Variants in RUFY3 observed in about 807,000 individuals in gnomAD.
RUFY3 encodes the protein RUN and FYVE domain containing 3, also known as protein RUFY3.
In RUFY3, 34 loss-of-function variants were observed where a neutral mutation model predicts 84.0. That is an observed-to-expected ratio of 0.40 (90% CI 0.31 to 0.54). The LOEUF is 0.54. Ranked by LOEUF, RUFY3 falls within the 20% of genes least tolerant of loss-of-function variation. The pLI, the probability that RUFY3 is intolerant of heterozygous loss-of-function variation, is 0.39. For synonymous variants in RUFY3, 242 were observed against 252.9 expected, an observed-to-expected ratio of 0.96 and a Z score of 0.41; for missense variants, 507 against 736.8, an observed-to-expected ratio of 0.69 and a Z score of 3.61.
At chr4:70,764,450 T>C (rs755053898) in intron 3 of RUFY3, 25 bp from the exon 4 acceptor site, 3 of 1,484,700 alleles carry the variant, frequency 2.0e-6, no homozygotes, top group East Asian at 2.3e-5. Flanking sequence ...ATGTTTTCAG[T>C]TGTTTGATTT....
intron 1 of RUFY3, among the ~76,000 whole-genome samples, chr4:70,753,221 A>G (rs959856797): frequency 6.6e-6 from 1 of 152,158 alleles, no homozygotes; most frequent in African/African-American, 2.4e-5. Flanking sequence ...TTGTTTCTGT[A>G]ATGTCAATAC....
At chr4:70,732,920 A>T (rs1719528605) in intron 1 of RUFY3, among the ~76,000 whole-genome samples, 2 of 152,066 alleles carry the variant, frequency 1.3e-5, no homozygotes, top group African/African-American at 4.8e-5. Flanking sequence ...AAAAATAAAA[A>T]GCCAGGTGCA....
In RUFY3 at chr4:70,722,042, C is replaced by T; in HGVS notation, c.-532C>T. ...CCTATGAGAACTCAGCATCCCAGCT[C>T]ATCTGAGCAGATCCTGGAAGTGATT... On this transcript the variant is annotated 5_prime_UTR_variant, in exon 1 of 18. Coordinates refer to ENST00000381006, the MANE Select transcript of RUFY3 (RefSeq NM_001037442.4). 1 of 1,232,154 alleles carries T rather than the reference C, an allele frequency of 8.1e-7. No individual in the cohort carries two copies. Among genetic ancestry groups the T allele is most frequent in the Non-Finnish European group, 1.0e-6 (1 of 987,982 alleles). 76.3% of individuals were successfully genotyped at this position (1,232,154 alleles called of 1,614,324 possible).
chr4:70,718,769 G>A (rs1741935308), upstream of RUFY3, among the ~76,000 whole-genome samples: 1 of 151,646 alleles, frequency 6.6e-6, no homozygotes, highest in Non-Finnish European at 1.5e-5. Flanking sequence ...ACAGGCTGGA[G>A]TGCAGTGGTG....
At chr4:70,727,776 A>G (rs2148602081) in intron 1 of RUFY3, among the ~76,000 whole-genome samples, 1 of 150,804 alleles carries the variant, frequency 6.6e-6, no homozygotes, top group East Asian at 2.0e-4. Flanking sequence ...AACAAGAGAG[A>G]AACTCTGTCT....
At chr4:70,746,504 CAAAAAAAAA>C (rs1178734323) in intron 1 of RUFY3, among the ~76,000 whole-genome samples, 2 of 65,110 alleles carry the variant, frequency 3.1e-5, no homozygotes, top group Non-Finnish European at 7.3e-5. Context: ...AAGACTGTCT[CAAAAAAAAA>C]AAAAAAAAAA....
At chr4:70,800,396 A>G (rs1216633842) in intron 15 of RUFY3, among the ~76,000 whole-genome samples, 191 bp downstream of exon 15, 1 of 152,226 alleles carries the variant, frequency 6.6e-6, no homozygotes, top group Non-Finnish European at 1.5e-5. Flanking sequence ...CCATTAGGCC[A>G]TTTCAGAGGA....
At chr4:70,777,145 A>G (rs1300746733) in intron 7 of RUFY3, among the ~76,000 whole-genome samples, 1 of 152,226 alleles carries the variant, frequency 6.6e-6, no homozygotes, top group Non-Finnish European at 1.5e-5. Context: ...AGCTTTGCCC[A>G]AGGAAGTCCC....
chr4:70,792,925 A>T lies in RUFY3; in HGVS notation c.1338-860A>T, dbSNP rs562801759. The T allele has an allele frequency of 6.6e-5, 65 of 985,400 alleles. 1 individual carries two copies. In the South Asian group the frequency reaches 2.6e-3, roughly 39 times the overall value. 61.0% of individuals were successfully genotyped at this position (985,400 alleles called of 1,614,324 possible). A position where few individuals can be genotyped will look rare whatever the true frequency, so the allele number is the denominator to read the frequency against. Reference sequence around the variant, plus strand: ...TTCTCTTCATCAACCTTTTGTGGTGATGGGTTGCCTTTTCTACGAGCATTT... The same window carrying T: ...TTCTCTTCATCAACCTTTTGTGGTGTTGGGTTGCCTTTTCTACGAGCATTT... On this transcript the variant is annotated intron_variant, in intron 12 of 17. Coordinates refer to ENST00000381006, the MANE Select transcript of RUFY3 (RefSeq NM_001037442.4).
intron 14 of RUFY3, among the ~76,000 whole-genome samples, chr4:70,797,552 G>T (rs958319435): frequency 6.6e-6 from 1 of 152,032 alleles, no homozygotes; most frequent in Non-Finnish European, 1.5e-5. Context: ...AGTGTACAAA[G>T]AACCACTCTA....
intron 1 of RUFY3, among the ~76,000 whole-genome samples, chr4:70,747,752 T>C (rs1187668440): frequency 2.6e-5 from 4 of 152,202 alleles, no homozygotes; most frequent in Admixed American, 1.3e-4. Context: ...GGTGGTTGCA[T>C]TCCTGGAGAC....
intron 1 of RUFY3, among the ~76,000 whole-genome samples, chr4:70,746,259 G>A (rs540496501): frequency 1.1e-3 from 160 of 151,866 alleles, no homozygotes; most frequent in Non-Finnish European, 1.9e-3. Flanking sequence ...CACGAGAATC[G>A]CTTGAGCCCG....
chr4:70,786,047 C>T (rs1280358691), intron 10 of RUFY3, among the ~76,000 whole-genome samples: 1 of 152,096 alleles, frequency 6.6e-6, no homozygotes, highest in Non-Finnish European at 1.5e-5. Context: ...GGTATATATA[C>T]ACAATGGGAT....
intron 8 of RUFY3, among the ~76,000 whole-genome samples, chr4:70,779,435 T>G (rs1426776936): frequency 6.6e-6 from 1 of 152,194 alleles, no homozygotes. Context: ...AATAACCTCA[T>G]GTTTTACTTC....
At chr4:70,738,958 A>G (rs10012440) in intron 1 of RUFY3, among the ~76,000 whole-genome samples, 13,900 of 148,266 alleles carry the variant, frequency 0.094, 1,357 homozygotes, top group African/African-American at 0.25. Context: ...TAGGCGATGC[A>G]CCCACCTCTG....
At chr4:70,741,720 C>T (rs1239956622) in intron 1 of RUFY3, 7 of 1,416,578 alleles carry the variant, frequency 4.9e-6, no homozygotes, top group Non-Finnish European at 6.5e-6. Flanking sequence ...TTTCTCCTTG[C>T]TTTTTAAAAT....
At chr4:70,704,549 T>G, upstream of RUFY3, 2 of 164,826 alleles carry the variant, frequency 1.2e-5, no homozygotes, top group Non-Finnish European at 2.6e-5. Context: ...CGGGGGCGGG[T>G]AAGGAAGAGG....
At chr4:70,760,523 C>G (rs1724837084) in intron 1 of RUFY3, among the ~76,000 whole-genome samples, 1 of 151,564 alleles carries the variant, frequency 6.6e-6, no homozygotes, top group Admixed American at 6.6e-5. Context: ...TAGTAGCCCT[C>G]TACACATATT....
In RUFY3 at chr4:70,788,883, T is replaced by C. The variant is rs1418524668; in HGVS notation, c.1149T>C (p.Asp383=). ...MELAMKMLEK[D]VCEKQDALVS... ...TGGCTATGAAGATGCTGGAGAAGGA[T>C]GTCTGTGAGAAGCAGGATGCCCTGG... Residue 383 remains aspartate, a synonymous_variant, in exon 11 of 18, where the codon GAT becomes GAC. Coordinates refer to ENST00000381006, the MANE Select transcript of RUFY3 (RefSeq NM_001037442.4). The C allele has an allele frequency of 6.2e-7, 1 of 1,614,174 alleles. No homozygotes were observed. Among genetic ancestry groups the C allele is most frequent in the African/African-American group, 1.3e-5 (1 of 75,036 alleles).
Sources: allele counts gnomAD v4.1 joint callset (sites outside exome capture counted in the v4.1 genomes callset), GRCh38; gene constraint gnomAD v4.1.1; transcripts MANE v1.5; gene names NCBI Gene and HGNC (gene_info 2026-07-23, HGNC 2026-07-21).